MED14: variants seen among roughly 807,000 people sequenced by gnomAD.
The protein encoded by MED14 is mediator complex subunit 14.
In MED14, 8 loss-of-function variants were observed where a neutral mutation model predicts 109.0. The ratio of observed to expected loss-of-function variants is 0.07; its 90% CI spans 0.04 to 0.13. The LOEUF is 0.13. MED14 is among the 10% of genes least tolerant of loss of function. The probability of loss-of-function intolerance (pLI) is 1.00; values close to 1 mark genes in which losing one functional copy is unlikely to be tolerated. For synonymous variants in MED14, 399 were observed against 408.7 expected (o/e 0.98, Z 0.29); for missense variants, 711 against 1,142.4 (o/e 0.62, Z 5.44).
In MED14 at chrX:40,650,080, T is replaced by C. The variant is rs1417544269; in HGVS notation, c.*1726A>G. On this transcript the variant is annotated 3_prime_UTR_variant, in exon 31 of 31. Transcript: ENST00000324817. ...GTAGATTTCTACATGAAAGAAAAGA[T>C]TCAGCTCCAAATAGAAAAGGGCTGA... The C allele has an allele frequency of 1.3e-6, 1 of 752,453 alleles. No homozygotes were observed. Among genetic ancestry groups the C allele is most frequent in the Non-Finnish European group, 1.6e-6 (1 of 638,396 alleles). 62.0% of individuals were successfully genotyped at this position (752,453 alleles called of 1,213,427 possible). A position where few individuals can be genotyped will look rare whatever the true frequency, so the allele number is the denominator to read the frequency against.
At chrX:40,688,639 T>C (rs1051986737) in intron 15 of MED14, 109 bp from the exon 16 acceptor site, 1 of 507,298 alleles carries the variant, frequency 2.0e-6, no homozygotes, top group Admixed American at 3.1e-5. Context: ...GACCATCCTT[T>C]CCCCAAGTTA....
chrX:40,722,487 G>C (rs188251576), intron 3 of MED14, among the ~76,000 whole-genome samples: 1 of 111,541 alleles, frequency 9.0e-6, no homozygotes, highest in Non-Finnish European at 1.9e-5. Context: ...AGCCTCAAAA[G>C]AACAAATCTC....
chrX:40,690,608 T>C (rs1351193206), intron 15 of MED14, among the ~76,000 whole-genome samples: 2 of 111,299 alleles, frequency 1.8e-5, no homozygotes, highest in East Asian at 5.6e-4. Flanking sequence ...AGAGACGGGG[T>C]TTCACCATGT....
intron 15 of MED14, 148 bp from the exon 16 acceptor site, chrX:40,688,678 A>G: frequency 5.2e-6 from 2 of 387,852 alleles, no homozygotes; most frequent in Non-Finnish European, 9.2e-6. Flanking sequence ...TATTATCCCC[A>G]TCATTAGATT....
chrX:40,682,528 T>G, intron 18 of MED14, 75 bp downstream of exon 18: 1 of 871,984 alleles, frequency 1.1e-6, no homozygotes, highest in Admixed American at 4.0e-5. Flanking sequence ...CTGTGCATGT[T>G]TCACTTCAGT....
At chrX:40,707,731 T>C (rs1040919440) in intron 10 of MED14, among the ~76,000 whole-genome samples, 2 of 111,713 alleles carry the variant, frequency 1.8e-5, no homozygotes, top group Non-Finnish European at 3.8e-5. Flanking sequence ...AGTTAGAAAG[T>C]AGATTAATGA....
intron 16 of MED14, among the ~76,000 whole-genome samples, chrX:40,686,339 C>T (rs376369897): frequency 2.1e-4 from 23 of 110,478 alleles, no homozygotes; most frequent in African/African-American, 6.6e-4. Flanking sequence ...TTTCACAAAC[C>T]ATGAAAAATA....
Position 40,735,525 on chromosome X carries a change from C to G in MED14, c.-113G>C, listed in dbSNP as rs1932234217. ...GGGCAGAGTCGCCACCGCCTACCGCCGGGCCGCCTCAGAACAGGAAGCCGT... is the reference window on the plus strand; with the variant it reads ...GGGCAGAGTCGCCACCGCCTACCGCGGGGCCGCCTCAGAACAGGAAGCCGT... On this transcript the variant is annotated 5_prime_UTR_variant, in exon 1 of 31. Coordinates refer to ENST00000324817, the MANE Select transcript of MED14 (RefSeq NM_004229.4). The G allele has an allele frequency of 1.4e-6, 1 of 739,563 alleles. No homozygotes were observed. Among genetic ancestry groups the G allele is most frequent in the African/African-American group, 2.1e-5 (1 of 47,774 alleles). 60.9% of individuals were successfully genotyped at this position (739,563 alleles called of 1,213,427 possible).
intron 20 of MED14, 105 bp downstream of exon 20, chrX:40,680,653 A>T: frequency 1.5e-6 from 1 of 680,863 alleles, no homozygotes; most frequent in South Asian, 3.2e-5. Flanking sequence ...CCTGAGCACA[A>T]GCAATCCTTC....
chrX:40,731,590 A>C (rs1932083055), intron 1 of MED14, among the ~76,000 whole-genome samples: 1 of 112,424 alleles, frequency 8.9e-6, no homozygotes, highest in Admixed American at 9.4e-5. Context: ...CTTTTTGAAC[A>C]ATATTTTTAT....
Position 40,682,680 on chromosome X carries a change from A to G in MED14, c.2288T>C (p.Val763Ala), listed in dbSNP as rs1351301420. 5.8e-6 allele frequency: 7 copies of G among 1,202,924 alleles called. No individual in the cohort carries two copies. The highest frequency in any genetic ancestry group is 2.2e-5 in the Admixed American group (1 of 45,482). Residue 763 changes from valine (V) to alanine (A), a missense_variant, in exon 18 of 31, where the codon GTT (valine) becomes GCT (alanine). Transcript: ENST00000324817. ...ATTCCAGTCATTAAGAAACATTTCAACCACCTTTCTACCACCAACAGGCTC... is the reference window on the plus strand; with the variant it reads ...ATTCCAGTCATTAAGAAACATTTCAGCCACCTTTCTACCACCAACAGGCTC... ...LSEPVGGRKVVEMFLNDWNSI... is the reference protein window; with the variant it reads ...LSEPVGGRKVAEMFLNDWNSI...
chrX:40,729,568 A>G, intron 1 of MED14: 1 of 391,306 alleles, frequency 2.6e-6, no homozygotes, highest in South Asian at 4.5e-5. Flanking sequence ...TCCATTCAAA[A>G]TACTTCAAAA....
chrX:40,710,937 G>A lies in MED14; in HGVS notation c.1022+232C>T, dbSNP rs769791064. ...AATACCAAAATCCACGCAAACTCAC[G>A]TCCTGCAGTCAGTCCTGCGGTCAGC... On this transcript the variant is annotated intron_variant, in intron 8 of 30. Transcript: ENST00000324817. 4.5e-5 allele frequency among the ~76,000 whole-genome samples: 5 copies of A among 111,419 alleles called. No homozygotes were observed. The East Asian group carries it at 8.4e-4, about 19-fold the overall frequency.
chrX:40,708,488 C>T (rs1363382677), intron 10 of MED14, among the ~76,000 whole-genome samples: 1 of 112,076 alleles, frequency 8.9e-6, no homozygotes, highest in Non-Finnish European at 1.9e-5. Flanking sequence ...GAGCTGAGCT[C>T]TGTGATGACA....
chrX:40,708,975 TA>T (rs945211601), intron 10 of MED14, among the ~76,000 whole-genome samples: 2 of 111,813 alleles, frequency 1.8e-5, no homozygotes, highest in African/African-American at 6.5e-5. Context: ...CTTTTTTATT[TA>T]AAAAATTTTA....
In MED14 at chrX:40,692,238, G is replaced by A. The variant is rs1207405686; in HGVS notation, c.1925C>T (p.Ala642Val). 2.5e-6 allele frequency: 3 copies of A among 1,204,866 alleles called. No homozygotes were observed. Among genetic ancestry groups the A allele is most frequent in the Admixed American group, 2.2e-5 (1 of 45,593 alleles). ...TGTATCACACATAGCGACGAAGTGG[G>A]CTAAAACTTTATTGAAGGCACACAT... ...GEMCAFNKVL[A>V]HFVAMCDTNM... The change falls in exon 15 of 31, where the codon GCC (alanine) becomes GTC (valine). Residue 642 changes from alanine to valine, a missense_variant. Ala to Val is a moderately conservative substitution (Grantham distance 64). Coordinates refer to ENST00000324817, the MANE Select transcript of MED14 (RefSeq NM_004229.4).
At chrX:40,665,674 C>T (rs1222570468) in intron 24 of MED14, among the ~76,000 whole-genome samples, 1 of 112,547 alleles carries the variant, frequency 8.9e-6, no homozygotes, top group African/African-American at 3.2e-5. Flanking sequence ...ATGTAATACT[C>T]CCTGGCGATG....
chrX:40,724,578 C>T (rs777387677), intron 3 of MED14, among the ~76,000 whole-genome samples: 9 of 111,544 alleles, frequency 8.1e-5, no homozygotes, highest in African/African-American at 2.3e-4. Context: ...CCCAAATGAA[C>T]GGTGAGTCAA....
rs140289879 is a variant in MED14 at position 40,665,666 on chromosome X, G to A, written c.3265+1054C>T. Among the ~76,000 whole-genome samples the A allele has an allele frequency of 2.7e-3, 306 of 112,583 alleles. 1 individual carries two copies. Among genetic ancestry groups the A allele is most frequent in the African/African-American group, 9.5e-3 (294 of 31,026 alleles). The stretch of plus-strand genomic sequence containing the variant: ...AAAATGTCCAAGGTCTTTAAAATAT[G>A]TAATACTCCCTGGCGATGATGCAGG... On this transcript the variant is annotated intron_variant, in intron 24 of 30. Coordinates refer to ENST00000324817, the MANE Select transcript of MED14 (RefSeq NM_004229.4).
Sources: allele counts gnomAD v4.1 joint callset (sites outside exome capture counted in the v4.1 genomes callset), GRCh38; gene constraint gnomAD v4.1.1; transcripts MANE v1.5; gene names NCBI Gene and HGNC (gene_info 2026-07-23, HGNC 2026-07-21).